MALRD1: variants seen among roughly 807,000 people sequenced by gnomAD.
MALRD1 encodes the protein MAM and LDL receptor class A domain containing 1.
Under a neutral mutation model 242.1 loss-of-function variants are expected in MALRD1, and 247 were observed. That is an observed-to-expected ratio of 1.02 (90% CI 0.92 to 1.13). The LOEUF is 1.13. Among genes scored for constraint, MALRD1 ranks in the 50% most tolerant of loss-of-function variants. The pLI, the probability that MALRD1 is intolerant of heterozygous loss-of-function variation, is 0.00. For missense variants in MALRD1, 2,989 were observed against 2,533.1 expected, an observed-to-expected ratio of 1.18 and a Z score of -3.86; for synonymous variants, 995 against 866.6, an observed-to-expected ratio of 1.15 and a Z score of -2.60.
At chr10:19,079,787 A>G (rs915503925) in intron 2 of MALRD1, among the ~76,000 whole-genome samples, 1 of 151,910 alleles carries the variant, frequency 6.6e-6, no homozygotes, top group Non-Finnish European at 1.5e-5. Context: ...AGGCAAGAGA[A>G]AGAAAGAAAG....
intron 33 of MALRD1, among the ~76,000 whole-genome samples, chr10:19,593,229 T>A (rs1025466156): frequency 3.9e-5 from 6 of 152,200 alleles, no homozygotes; most frequent in Non-Finnish European, 2.9e-5. Context: ...GATTAAAACA[T>A]GATAGCGATG....
At chr10:19,082,762 GTAGT>G (rs1340835132) in intron 2 of MALRD1, among the ~76,000 whole-genome samples, 1 of 151,950 alleles carries the variant, frequency 6.6e-6, no homozygotes, top group African/African-American at 2.4e-5. Context: ...ACTGTTTGTT[GTAGT>G]TATAGTTGTT....
chr10:19,301,583 G>C (rs1841951096), intron 21 of MALRD1, among the ~76,000 whole-genome samples: 1 of 151,736 alleles, frequency 6.6e-6, no homozygotes, highest in African/African-American at 2.4e-5. Context: ...GAAGCTGGAG[G>C]TCATCATCTT....
intron 38 of MALRD1, among the ~76,000 whole-genome samples, chr10:19,727,762 C>T (rs1338744380): frequency 8.0e-6 from 1 of 125,418 alleles, no homozygotes; most frequent in African/African-American, 2.8e-5. Flanking sequence ...GTAAGTCAAA[C>T]ATTGCATTTT....
intron 28 of MALRD1, among the ~76,000 whole-genome samples, chr10:19,395,056 T>C (rs1846518549): frequency 6.6e-6 from 1 of 152,128 alleles, no homozygotes; most frequent in South Asian, 2.1e-4. Flanking sequence ...TAAACCACAT[T>C]TTTAGTGCTT....
intron 39 of MALRD1, among the ~76,000 whole-genome samples, chr10:19,733,874 A>C (rs1361951226): frequency 1.3e-5 from 2 of 152,126 alleles, no homozygotes; most frequent in South Asian, 2.1e-4. Flanking sequence ...CCAGCACCAG[A>C]GAAAGCAGTA....
intron 12 of MALRD1, among the ~76,000 whole-genome samples, chr10:19,165,246 T>C (rs1387303273): frequency 2.1e-5 from 2 of 95,506 alleles, no homozygotes; most frequent in African/African-American, 8.5e-5. Flanking sequence ...GTTTGGAATA[T>C]ATATATATAT....
chr10:19,325,005 G>GTTT (rs1843058536), intron 22 of MALRD1, among the ~76,000 whole-genome samples: 1 of 54,458 alleles, frequency 1.8e-5, no homozygotes, highest in Admixed American at 2.3e-4. Context: ...TTCAGTAGTT[G>GTTT]CTTTTTTTTT....
intron 31 of MALRD1, among the ~76,000 whole-genome samples, chr10:19,511,065 A>G (rs544907879): frequency 1.1e-4 from 16 of 152,226 alleles, no homozygotes; most frequent in Admixed American, 5.2e-4. Context: ...ATAGTCAGCT[A>G]TATCAGTTAG....
Position 19,630,391 on chromosome 10 carries a change from C to G in MALRD1, c.6137+14468C>G, listed in dbSNP as rs185032296. ...CTTTTCGTTTTAGTGCTACCACCAT[C>G]TAACAATTTTGAGGACTAAGGTAGC... On this transcript the variant is annotated intron_variant, in intron 36 of 39. Coordinates refer to ENST00000454679, the MANE Select transcript of MALRD1 (RefSeq NM_001142308.3). Among the ~76,000 whole-genome samples, 4 of 152,208 alleles carry G rather than the reference C, an allele frequency of 2.6e-5. No individual in the cohort carries two copies. In the East Asian group the frequency reaches 7.7e-4, roughly 29 times the overall value.
intron 5 of MALRD1, among the ~76,000 whole-genome samples, chr10:19,119,049 A>G (rs1372673581): frequency 6.6e-6 from 1 of 152,166 alleles, no homozygotes; most frequent in Non-Finnish European, 1.5e-5. Context: ...CAGAGTTGGT[A>G]GTAGTAGTGG....
At chr10:19,646,747 T>C (rs12262868) in intron 36 of MALRD1, among the ~76,000 whole-genome samples, 7,499 of 152,262 alleles carry the variant, frequency 0.049, 232 homozygotes, top group Middle Eastern at 0.095. Flanking sequence ...ATGTGTGCTT[T>C]AAAAAAATAT....
chr10:19,307,674 G>A (rs1842271907), intron 21 of MALRD1, among the ~76,000 whole-genome samples: 1 of 151,442 alleles, frequency 6.6e-6, no homozygotes, highest in Non-Finnish European at 1.5e-5. Flanking sequence ...CAGAGACATA[G>A]TTATCCTCCA....
At chr10:19,296,265 T>A (rs1841694549) in intron 21 of MALRD1, among the ~76,000 whole-genome samples, 1 of 152,162 alleles carries the variant, frequency 6.6e-6, no homozygotes, top group African/African-American at 2.4e-5. Context: ...TTTGTTACAC[T>A]TTTTCCTCAA....
At chr10:19,622,156 G>T (rs1839431602) in intron 36 of MALRD1, among the ~76,000 whole-genome samples, 1 of 148,920 alleles carries the variant, frequency 6.7e-6, no homozygotes, top group Non-Finnish European at 1.5e-5. Context: ...TGTACTGGAG[G>T]TAGTCACCAA....
At position 19,243,088 on chromosome 10, in the gene MALRD1, G is replaced by A. The variant is rs1453309283; in HGVS notation, c.2992-14596G>A. On this transcript the variant is annotated intron_variant, in intron 18 of 39. Coordinates refer to ENST00000454679, the MANE Select transcript of MALRD1 (RefSeq NM_001142308.3). The stretch of plus-strand genomic sequence containing the variant: ...CTTTTTTTTTTTTGTGTGTGTATCC[G>A]CTGTAATTTATTTCTTTCTGGTTAG... Among the ~76,000 whole-genome samples, 14 of 137,554 alleles carry A rather than the reference G, an allele frequency of 1.0e-4. No individual in the cohort carries two copies. The East Asian group carries it at 1.6e-3, about 16-fold the overall frequency. The allele number at this position is 137,554 out of a possible 152,430, so 90.2% of individuals were successfully genotyped here. A position where few individuals can be genotyped will look rare whatever the true frequency, so the allele number is the denominator to read the frequency against.
rs556967918 is a variant in MALRD1, at chr10:19,655,530, G to A, written c.6138-36752G>A. On this transcript the variant is annotated intron_variant, in intron 36 of 39. Coordinates refer to ENST00000454679, the MANE Select transcript of MALRD1 (RefSeq NM_001142308.3). The stretch of plus-strand genomic sequence containing the variant: ...TGTGTGTACATATATATGTGTGAGT[G>A]TATATATATATATATATATATATAT... Among the ~76,000 whole-genome samples, 777 of 108,768 alleles carry A rather than the reference G, an allele frequency of 7.1e-3. 18 individuals carry two copies. Among genetic ancestry groups the A allele is most frequent in the African/African-American group, 0.022 (673 of 30,782 alleles). 71.4% of individuals were successfully genotyped at this position (108,768 alleles called of 152,430 possible). A position where few individuals can be genotyped will look rare whatever the true frequency, so the allele number is the denominator to read the frequency against.
intron 28 of MALRD1, among the ~76,000 whole-genome samples, chr10:19,430,406 T>C (rs940607410): frequency 6.6e-6 from 1 of 151,942 alleles, no homozygotes; most frequent in Non-Finnish European, 1.5e-5. Flanking sequence ...TGAGCCACCA[T>C]GCCCCGGCCT....
intron 14 of MALRD1, among the ~76,000 whole-genome samples, chr10:19,185,700 C>T (rs1206712347): frequency 1.3e-5 from 2 of 151,908 alleles, no homozygotes; most frequent in Non-Finnish European, 2.9e-5. Flanking sequence ...CAGTATTGAC[C>T]AAGAATAATT....
Sources: allele counts gnomAD v4.1 joint callset (sites outside exome capture counted in the v4.1 genomes callset), GRCh38; gene constraint gnomAD v4.1.1; transcripts MANE v1.5; gene names NCBI Gene and HGNC (gene_info 2026-07-23, HGNC 2026-07-21).